The following PTPRQ variants were observed in gnomAD, a reference collection of about 807,000 sequenced individuals.
PTPRQ encodes the protein phosphatidylinositol phosphatase PTPRQ.
In PTPRQ, 199 loss-of-function variants were observed where a neutral mutation model predicts 246.0. That is an observed-to-expected ratio of 0.81 (90% confidence interval 0.72 to 0.91). The LOEUF (loss-of-function observed/expected upper bound fraction) is 0.91, where lower values mean the gene tolerates loss of function less well. PTPRQ is among the 40% of genes least tolerant of loss of function. The probability of loss-of-function intolerance (pLI) is 0.00; values close to 1 mark genes in which losing one functional copy is unlikely to be tolerated. For synonymous variants in PTPRQ, 869 were observed against 853.2 expected, an observed-to-expected ratio of 1.02 and a Z score of -0.32; for missense variants, 2,624 against 2,528.4, an observed-to-expected ratio of 1.04 and a Z score of -0.81.
chr12:80,465,871 T>C (rs953829235), intron 6 of PTPRQ, among the ~76,000 whole-genome samples: 9 of 152,134 alleles, frequency 5.9e-5, no homozygotes, highest in African/African-American at 2.2e-4. Context: ...TAATAAGAGC[T>C]ATCTATGACA....
At chr12:80,625,666 A>G (rs1592731579) in intron 33 of PTPRQ, among the ~76,000 whole-genome samples, 1 of 152,204 alleles carries the variant, frequency 6.6e-6, no homozygotes, top group Non-Finnish European at 1.5e-5. Flanking sequence ...CACTGGATGG[A>G]TAAGTATGAG....
intron 25 of PTPRQ, among the ~76,000 whole-genome samples, chr12:80,582,037 A>G (rs1313661059): frequency 6.6e-6 from 1 of 152,190 alleles, no homozygotes; most frequent in Non-Finnish European, 1.5e-5. Context: ...CCTAGCAACG[A>G]TTATCCTACA....
Position 80,457,641 on chromosome 12 carries a change from A to G in PTPRQ, c.457A>G (p.Ser153Gly), listed in dbSNP as rs1893021069. ...SDPFLFQTAE[S>G]APGKVVNLTV... ...TCCATTTCTCTTCCAAACTGCAGAA[A>G]GTGGTAATTTTCCTGTCATTTATTT... The change falls in exon 4 of 45, where the codon AGT (serine) becomes GGT (glycine). Residue 153 changes from serine (S) to glycine (G), a missense_variant. By Grantham distance (56) the Ser-to-Gly change is moderately conservative. Transcript: ENST00000644991. 2.5e-6 allele frequency: 1 copy of G among 400,246 alleles called. No individual in the cohort carries two copies. Among genetic ancestry groups the G allele is most frequent in the Non-Finnish European group, 4.4e-6 (1 of 225,886 alleles). The allele number at this position is 400,246 out of a possible 1,614,324, so 24.8% of individuals were successfully genotyped here.
chr12:80,597,320 C>T (rs968481023), intron 26 of PTPRQ, among the ~76,000 whole-genome samples: 1 of 151,916 alleles, frequency 6.6e-6, no homozygotes, highest in African/African-American at 2.4e-5. Flanking sequence ...TGAATTATTC[C>T]AGTTTGTTCC....
intron 17 of PTPRQ, among the ~76,000 whole-genome samples, chr12:80,530,958 A>T (rs1035210533): frequency 6.6e-6 from 1 of 152,124 alleles, no homozygotes; most frequent in Non-Finnish European, 1.5e-5. Flanking sequence ...AGGAAGGCTA[A>T]GGTGGTAGGT....
intron 7 of PTPRQ, among the ~76,000 whole-genome samples, chr12:80,470,487 T>C (rs1200314885): frequency 1.3e-5 from 2 of 152,178 alleles, no homozygotes; most frequent in African/African-American, 4.8e-5. Context: ...AAAATAATCT[T>C]CTAGAAGAGT....
At chr12:80,467,853 G>A (rs1322958068) in intron 6 of PTPRQ, among the ~76,000 whole-genome samples, 1 of 151,772 alleles carries the variant, frequency 6.6e-6, no homozygotes, top group East Asian at 1.9e-4. Context: ...TCTGGGGACT[G>A]TTGTGGGGTG....
At chr12:80,652,916 A>G in intron 38 of PTPRQ, 82 bp downstream of exon 38, 1 of 1,313,792 alleles carries the variant, frequency 7.6e-7, no homozygotes, top group Admixed American at 3.6e-5. Flanking sequence ...TCCTTAATAT[A>G]TTTTATTTTA....
intron 25 of PTPRQ, among the ~76,000 whole-genome samples, chr12:80,552,809 G>A (rs1005195294): frequency 2.0e-5 from 3 of 151,346 alleles, no homozygotes; most frequent in Admixed American, 6.6e-5. Flanking sequence ...TATGAACTAT[G>A]TACTTTCCTA....
At chr12:80,552,677 A>G (rs1388097659) in intron 25 of PTPRQ, among the ~76,000 whole-genome samples, 1 of 121,882 alleles carries the variant, frequency 8.2e-6, no homozygotes, top group African/African-American at 3.2e-5. Context: ...ATATATATAT[A>G]TATATATATA....
At chr12:80,474,009 C>A (rs1270404636) in intron 8 of PTPRQ, among the ~76,000 whole-genome samples, 1 of 152,206 alleles carries the variant, frequency 6.6e-6, no homozygotes, top group Admixed American at 6.5e-5. Context: ...AGCCTTCATC[C>A]ATGGAGTTCT....
chr12:80,568,120 G>T (rs1464723527), intron 25 of PTPRQ, among the ~76,000 whole-genome samples: 2 of 152,054 alleles, frequency 1.3e-5, no homozygotes, highest in Non-Finnish European at 2.9e-5. Context: ...AATAATCAAT[G>T]TAGAAAATTA....
chr12:80,518,258 GC>G (rs1412795212), intron 17 of PTPRQ, among the ~76,000 whole-genome samples: 6 of 151,958 alleles, frequency 3.9e-5, no homozygotes, highest in Admixed American at 3.9e-4. Flanking sequence ...CTTTTCATAA[GC>G]CCCCTTGACA....
chr12:80,517,519 T>A (rs966390489), intron 17 of PTPRQ, among the ~76,000 whole-genome samples: 2 of 152,230 alleles, frequency 1.3e-5, no homozygotes, highest in South Asian at 2.1e-4. Context: ...CCAATTATAC[T>A]CTTTTAGTTA....
intron 25 of PTPRQ, among the ~76,000 whole-genome samples, chr12:80,573,385 A>T (rs1011930542): frequency 1.3e-5 from 2 of 151,986 alleles, no homozygotes; most frequent in African/African-American, 4.8e-5. Flanking sequence ...GCTACTCGGG[A>T]GGCTGAGGCA....
chr12:80,566,642 C>T (rs748236465), intron 25 of PTPRQ, among the ~76,000 whole-genome samples: 26 of 152,098 alleles, frequency 1.7e-4, no homozygotes, highest in East Asian at 3.9e-4. Context: ...TGGGCTCAAG[C>T]GATCATCCTG....
intron 17 of PTPRQ, among the ~76,000 whole-genome samples, chr12:80,516,476 C>T (rs1171161397): frequency 1.3e-5 from 2 of 152,130 alleles, no homozygotes; most frequent in African/African-American, 4.8e-5. Flanking sequence ...TAACATACAG[C>T]ACCTTAAAAC....
intron 3 of PTPRQ, among the ~76,000 whole-genome samples, chr12:80,456,078 A>G (rs1215761517): frequency 6.6e-6 from 1 of 152,200 alleles, no homozygotes; most frequent in Non-Finnish European, 1.5e-5. Flanking sequence ...CTCCCTCAAT[A>G]TAACATCAAT....
chr12:80,601,616 C>T (rs1898146585), intron 26 of PTPRQ, among the ~76,000 whole-genome samples: 1 of 151,648 alleles, frequency 6.6e-6, no homozygotes, highest in South Asian at 2.1e-4. Flanking sequence ...TGTTTCTGTC[C>T]ACACTGGTTC....
Sources: allele counts gnomAD v4.1 joint callset (sites outside exome capture counted in the v4.1 genomes callset), GRCh38; gene constraint gnomAD v4.1.1; transcripts MANE v1.5; gene names NCBI Gene and HGNC (gene_info 2026-07-23, HGNC 2026-07-21).